Variants in SYT1 observed in about 807,000 individuals in gnomAD.
SYT1 encodes synaptotagmin 1.
A neutral mutation model predicts 44.8 loss-of-function variants in SYT1; 8 were observed. The ratio of observed to expected loss-of-function variants is 0.18; its 90% CI spans 0.10 to 0.32. The LOEUF (loss-of-function observed/expected upper bound fraction) is 0.32, where lower values mean the gene tolerates loss of function less well. Among genes scored for constraint, SYT1 ranks in the 10% least tolerant of loss-of-function variants. The pLI is 1.00. For missense variants in SYT1, 286 were observed against 509.3 expected, an observed-to-expected ratio of 0.56 and a Z score of 4.22; for synonymous variants, 154 against 188.8, an observed-to-expected ratio of 0.82 and a Z score of 1.51.
chr12:79,166,397 A>G (rs1347388908), intron 3 of SYT1, among the ~76,000 whole-genome samples: 1 of 152,010 alleles, frequency 6.6e-6, no homozygotes, highest in Non-Finnish European at 1.5e-5. Flanking sequence ...AGCTGACAAT[A>G]ATATTGGTCT....
chr12:79,249,770 G>A (rs1877086734), intron 4 of SYT1, among the ~76,000 whole-genome samples: 1 of 152,148 alleles, frequency 6.6e-6, no homozygotes, highest in Non-Finnish European at 1.5e-5. Flanking sequence ...ACCATTCCTG[G>A]AGAAATGGAA....
intron 3 of SYT1, among the ~76,000 whole-genome samples, chr12:79,202,369 C>T (rs1235131505): frequency 6.6e-6 from 1 of 152,178 alleles, no homozygotes; most frequent in Non-Finnish European, 1.5e-5. Context: ...GAAATCTGTT[C>T]TTAACCCCGC....
At position 79,201,359 on chromosome 12, in the gene SYT1, A is replaced by G. The variant is rs144162508; in HGVS notation, c.-17-16144A>G. ...AAATCTGAAAATATCTTTAGATCCT[A>G]TTCTATAAAGAAAGGCAAACAGGCT... On this transcript the variant is annotated intron_variant, in intron 3 of 10. Coordinates refer to ENST00000261205, the MANE Select transcript of SYT1 (RefSeq NM_005639.3). 6.6e-3 allele frequency among the ~76,000 whole-genome samples: 1,003 copies of G among 152,312 alleles called. 10 individuals carry two copies. The highest frequency in any genetic ancestry group is 0.01 in the Middle Eastern group (3 of 294).
intron 4 of SYT1, among the ~76,000 whole-genome samples, chr12:79,246,394 CT>C (rs1211100375): frequency 6.6e-6 from 1 of 152,006 alleles, no homozygotes; most frequent in Admixed American, 6.6e-5. Flanking sequence ...TGGATTTCCA[CT>C]TTTTTTTAAC....
intron 2 of SYT1, among the ~76,000 whole-genome samples, chr12:79,012,172 A>G (rs1448290416): frequency 4.7e-5 from 7 of 150,514 alleles, no homozygotes; most frequent in Non-Finnish European, 7.4e-5. Flanking sequence ...TCTGTGGTGT[A>G]TTATATCTGC....
At chr12:79,098,404 C>G (rs1878270587) in intron 3 of SYT1, among the ~76,000 whole-genome samples, 1 of 151,916 alleles carries the variant, frequency 6.6e-6, no homozygotes, top group Admixed American at 6.6e-5. Flanking sequence ...AAAGTATTAG[C>G]AACAAGAGCC....
intron 3 of SYT1, among the ~76,000 whole-genome samples, chr12:79,130,176 A>C (rs1347096592): frequency 1.3e-5 from 2 of 152,282 alleles, no homozygotes; most frequent in East Asian, 3.9e-4. Context: ...TCAGGAATAA[A>C]GTGTTTTTTC....
At chr12:79,307,151 A>G (rs1268094378) in intron 8 of SYT1, among the ~76,000 whole-genome samples, 1 of 152,178 alleles carries the variant, frequency 6.6e-6, no homozygotes, top group Non-Finnish European at 1.5e-5. Context: ...AATCCATTAC[A>G]ATCTGTTACT....
In SYT1 at chr12:78,868,954, T is replaced by A. The variant is rs140108828; in HGVS notation, c.-217+3845T>A. ...ATCATATTTTTACATGATTTAGATA[T>A]GATGGCTGATAAAACTTCTGTCTTT... On this transcript the variant is annotated intron_variant, in intron 1 of 10. Coordinates refer to ENST00000261205, the MANE Select transcript of SYT1 (RefSeq NM_005639.3). 278 of 152,044 alleles carry A rather than the reference T, an allele frequency of 1.8e-3. 1 individual carries two copies. Among genetic ancestry groups the A allele is most frequent in the African/African-American group, 6.5e-3 (268 of 41,550 alleles). 9.4% of individuals were successfully genotyped at this position (152,044 alleles called of 1,614,324 possible).
chr12:79,355,887 C>G (rs745957698), intron 9 of SYT1, among the ~76,000 whole-genome samples: 10 of 152,032 alleles, frequency 6.6e-5, no homozygotes, highest in African/African-American at 1.2e-4. Flanking sequence ...GTGCAAAAGA[C>G]CCTCCCCTCC....
intron 4 of SYT1, among the ~76,000 whole-genome samples, chr12:79,264,266 A>C (rs1191679211): frequency 6.6e-6 from 1 of 150,376 alleles, no homozygotes; most frequent in Non-Finnish European, 1.5e-5. Flanking sequence ...TGCAAGCTCC[A>C]CCTCTCAGGT....
chr12:79,308,532 T>TAAAG (rs61316122), intron 8 of SYT1, among the ~76,000 whole-genome samples: 9,449 of 59,410 alleles, frequency 0.16, 464 homozygotes, highest in African/African-American at 0.25. Flanking sequence ...AAAGAAGAAA[T>TAAAG]AAAGAAAGAA....
chr12:79,071,170 G>T (rs1435905835), intron 3 of SYT1, among the ~76,000 whole-genome samples: 1 of 151,988 alleles, frequency 6.6e-6, no homozygotes, highest in East Asian at 1.9e-4. Flanking sequence ...TAGAATTCAG[G>T]GTGTGTGTTT....
At chr12:79,348,923 AAAAG>A (rs1296469458) in intron 8 of SYT1, among the ~76,000 whole-genome samples, 17 of 150,060 alleles carry the variant, frequency 1.1e-4, no homozygotes, top group Non-Finnish European at 2.2e-4. Flanking sequence ...AAGAAAGGAA[AAAAG>A]AAAGAAAGGA....
intron 1 of SYT1, among the ~76,000 whole-genome samples, chr12:78,911,520 G>A (rs552121636): frequency 1.6e-5 from 1 of 61,892 alleles, no homozygotes; most frequent in African/African-American, 1.0e-4. Context: ...ATATGTGAGA[G>A]AAGACCTGGA....
chr12:78,988,643 TG>T (rs1869818305), intron 2 of SYT1, among the ~76,000 whole-genome samples: 1 of 151,840 alleles, frequency 6.6e-6, no homozygotes, highest in Non-Finnish European at 1.5e-5. Context: ...CAACAGAGGC[TG>T]GTGTAGAGTG....
At chr12:79,257,879 C>T (rs565546695) in intron 4 of SYT1, among the ~76,000 whole-genome samples, 34 of 152,150 alleles carry the variant, frequency 2.2e-4, no homozygotes, top group African/African-American at 8.2e-4. Flanking sequence ...GGGTTATGGC[C>T]TTGGCGGTGA....
intron 3 of SYT1, among the ~76,000 whole-genome samples, chr12:79,156,462 G>C (rs572873030): frequency 5.0e-4 from 76 of 151,864 alleles, no homozygotes; most frequent in Non-Finnish European, 8.5e-4. Flanking sequence ...TGTTGTTGTT[G>C]TTGTTGTTCT....
At chr12:79,370,630 A>G (rs1013230257) in intron 9 of SYT1, among the ~76,000 whole-genome samples, 4 of 152,060 alleles carry the variant, frequency 2.6e-5, no homozygotes, top group Admixed American at 6.5e-5. Flanking sequence ...GGGCATGGTG[A>G]CGGGCGCCTG....
Sources: gnomAD v4.1 joint callset for allele counts (sites outside exome capture counted in the v4.1 genomes callset) on GRCh38, gnomAD v4.1.1 for gene constraint, MANE v1.5 for transcripts, NCBI Gene and HGNC (gene_info 2026-07-23, HGNC 2026-07-21) for gene names.